Variants in SLC37A3 observed in about 807,000 individuals in gnomAD.
The protein encoded by SLC37A3 is solute carrier family 37 member 3.
In SLC37A3, 51 loss-of-function variants were observed where a neutral mutation model predicts 67.1. That is an observed-to-expected ratio of 0.76 (90% confidence interval 0.61 to 0.96). SLC37A3 has a LOEUF of 0.96. Among genes scored for constraint, SLC37A3 ranks in the 40% least tolerant of loss-of-function variants. The pLI, the probability that SLC37A3 is intolerant of heterozygous loss-of-function variation, is 0.00. For synonymous variants in SLC37A3, 214 were observed against 231.4 expected, an observed-to-expected ratio of 0.92 and a Z score of 0.68; for missense variants, 508 against 603.0, an observed-to-expected ratio of 0.84 and a Z score of 1.65.
rs200845369 is a variant in SLC37A3, at chr7:140,364,461, G to A, written c.322C>T (p.Arg108Trp). Residue 108 changes from arginine to tryptophan, a missense_variant, in exon 5 of 15, where the codon CGG becomes TGG. Arg to Trp is a moderately radical substitution (Grantham distance 101, BLOSUM62 -3). Transcript: ENST00000326232. ...GLFISGIVGD[R>W]LNLRWVLSFG... Reference sequence around the variant, plus strand: ...GACAGAACCCATCGCAAATTCAACCGATCCCCAACGATGCCACTGATGAAT... The same window carrying A: ...GACAGAACCCATCGCAAATTCAACCAATCCCCAACGATGCCACTGATGAAT... 168 of 1,613,824 alleles carry A rather than the reference G, an allele frequency of 1.0e-4. 1 individual carries two copies. In the East Asian group the frequency reaches 1.8e-3, roughly 17 times the overall value.
chr7:140,376,199 A>C (rs3924962), intron 3 of SLC37A3, among the ~76,000 whole-genome samples: 56,050 of 152,110 alleles, frequency 0.37, 11,510 homozygotes, highest in Non-Finnish European at 0.46. Flanking sequence ...TGTTGACTTA[A>C]ATGGAAAACA....
At position 140,334,839 on chromosome 7, in the gene SLC37A3, T is replaced by A. The variant is rs957686708; in HGVS notation, c.*573A>T. On this transcript the variant is annotated 3_prime_UTR_variant, in exon 15 of 15. Coordinates refer to ENST00000326232, the MANE Select transcript of SLC37A3 (RefSeq NM_207113.3). ...GAGTGACTGAGCCAATCAACAGGCA[T>A]GTAGTGTGATCTTTCCCACCACAGT... 2.4e-5 allele frequency: 5 copies of A among 208,220 alleles called. No individual in the cohort carries two copies. The Admixed American group carries it at 2.6e-4, about 11-fold the overall frequency. 12.9% of individuals were successfully genotyped at this position (208,220 alleles called of 1,614,324 possible). A position where few individuals can be genotyped will look rare whatever the true frequency, so the allele number is the denominator to read the frequency against.
intron 1 of SLC37A3, among the ~76,000 whole-genome samples, chr7:140,394,085 C>T (rs747466618): frequency 2.6e-5 from 4 of 152,068 alleles, no homozygotes; most frequent in Non-Finnish European, 4.4e-5. Flanking sequence ...GCGGGAGGAT[C>T]GCTTGAACCC....
chr7:140,355,821 A>C lies in SLC37A3; in HGVS notation c.522-57T>G, dbSNP rs547349378. On this transcript the variant is annotated intron_variant, in intron 6 of 14. Coordinates refer to ENST00000326232, the MANE Select transcript of SLC37A3 (RefSeq NM_207113.3). ...CATGGTCAGAAGAGATACTCTGGGC[A>C]GTTCAAAATACAAAACAGCCAAAAC... 5 of 1,458,570 alleles carry C rather than the reference A, an allele frequency of 3.4e-6. No individual in the cohort carries two copies. In the African/African-American group the frequency reaches 5.6e-5, roughly 16 times the overall value. The allele number at this position is 1,458,570 out of a possible 1,614,324, so 90.4% of individuals were successfully genotyped here.
chr7:140,338,479 C>T (rs1796230375), intron 13 of SLC37A3, among the ~76,000 whole-genome samples: 1 of 150,046 alleles, frequency 6.7e-6, no homozygotes, highest in Non-Finnish European at 1.5e-5. Flanking sequence ...AACTTCACTC[C>T]TTTTTTTTTG....
At chr7:140,391,306 G>A (rs1563056391) in intron 1 of SLC37A3, among the ~76,000 whole-genome samples, 2 of 152,176 alleles carry the variant, frequency 1.3e-5, no homozygotes, top group Admixed American at 1.3e-4. Context: ...TGTAATCCCA[G>A]CACTTTGGGA....
intron 10 of SLC37A3, among the ~76,000 whole-genome samples, chr7:140,347,728 T>C (rs188146209): frequency 6.6e-6 from 1 of 151,776 alleles, no homozygotes; most frequent in Admixed American, 6.6e-5. Context: ...TTCATACTTA[T>C]TACCTCCTTG....
chr7:140,369,462 T>C (rs907666722), intron 4 of SLC37A3, 128 bp downstream of exon 4: 81 of 653,044 alleles, frequency 1.2e-4, no homozygotes, highest in Non-Finnish European at 1.9e-4. Flanking sequence ...ACAAACAATA[T>C]AAACTTCAGA....
At chr7:140,387,131 T>A (rs1039230674) in intron 1 of SLC37A3, among the ~76,000 whole-genome samples, 3 of 152,082 alleles carry the variant, frequency 2.0e-5, no homozygotes, top group African/African-American at 7.2e-5. Flanking sequence ...ATCTACTCTT[T>A]TAGCAATTTT....
chr7:140,391,421 G>A (rs1033713095), intron 1 of SLC37A3, among the ~76,000 whole-genome samples: 5 of 152,170 alleles, frequency 3.3e-5, no homozygotes, highest in African/African-American at 1.2e-4. Context: ...CGGTTGTGGC[G>A]GCGTGTGCCT....
intron 4 of SLC37A3, among the ~76,000 whole-genome samples, chr7:140,366,929 G>GT (rs1163436691): frequency 1.3e-5 from 2 of 152,092 alleles, no homozygotes; most frequent in African/African-American, 4.8e-5. Context: ...GAGGTCAGGA[G>GT]TTTGAGACCA....
At chr7:140,389,887 G>T (rs1353083447) in intron 1 of SLC37A3, among the ~76,000 whole-genome samples, 1 of 152,134 alleles carries the variant, frequency 6.6e-6, no homozygotes, top group Non-Finnish European at 1.5e-5. Flanking sequence ...TTTGAGGCCA[G>T]TAGTTCAATA....
intron 14 of SLC37A3, among the ~76,000 whole-genome samples, chr7:140,336,848 C>T (rs543410327): frequency 6.6e-6 from 1 of 151,320 alleles, no homozygotes; most frequent in Non-Finnish European, 1.5e-5. Flanking sequence ...CCTGTAATCC[C>T]AGCACTTTGG....
intron 3 of SLC37A3, among the ~76,000 whole-genome samples, chr7:140,371,462 G>A (rs979197054): frequency 5.3e-5 from 8 of 152,126 alleles, no homozygotes; most frequent in Non-Finnish European, 1.2e-4. Flanking sequence ...GTGAGCCACC[G>A]TGCCCGACCG....
At chr7:140,363,762 AAAAG>A (rs57786143) in intron 5 of SLC37A3, among the ~76,000 whole-genome samples, 8,829 of 114,650 alleles carry the variant, frequency 0.077, 394 homozygotes, top group Admixed American at 0.16. Context: ...AAAAAAAAAA[AAAAG>A]AAAGGAGCGG....
chr7:140,339,984 C>T (rs564601883), intron 13 of SLC37A3, among the ~76,000 whole-genome samples: 9 of 152,186 alleles, frequency 5.9e-5, no homozygotes, highest in Middle Eastern at 3.4e-3. Flanking sequence ...GTGATCCGCC[C>T]GCCTCGGCCT....
chr7:140,375,174 C>CAAAA (rs71170987), intron 3 of SLC37A3, among the ~76,000 whole-genome samples: 3 of 141,526 alleles, frequency 2.1e-5, no homozygotes, highest in Non-Finnish European at 4.6e-5. Flanking sequence ...CAAAAAACAA[C>CAAAA]AAAAAAAAAA....
At chr7:140,390,938 T>C (rs1798704079) in intron 1 of SLC37A3, among the ~76,000 whole-genome samples, 1 of 152,152 alleles carries the variant, frequency 6.6e-6, no homozygotes, top group Admixed American at 6.6e-5. Flanking sequence ...CTTCCTTGTC[T>C]CTGTCCTCCT....
chr7:140,342,566 T>C (rs898532168), intron 13 of SLC37A3, among the ~76,000 whole-genome samples: 3 of 152,126 alleles, frequency 2.0e-5, no homozygotes, highest in African/African-American at 7.2e-5. Flanking sequence ...CTCAGATCCA[T>C]CTTTCTACAA....
Sources: gnomAD v4.1 joint callset for allele counts (sites outside exome capture counted in the v4.1 genomes callset) on GRCh38, gnomAD v4.1.1 for gene constraint, MANE v1.5 for transcripts, NCBI Gene and HGNC (gene_info 2026-07-23, HGNC 2026-07-21) for gene names.